Variants in TRIP11 observed in about 807,000 individuals in gnomAD.
TRIP11 encodes thyroid hormone receptor interactor 11.
In TRIP11, 148 loss-of-function variants were observed where a neutral mutation model predicts 223.1. That is an observed-to-expected ratio of 0.66 (90% CI 0.58 to 0.76). The LOEUF is 0.76. TRIP11 is among the 30% of genes least tolerant of loss of function. The probability of loss-of-function intolerance (pLI) is 0.00; values close to 1 mark genes in which losing one functional copy is unlikely to be tolerated. For missense variants in TRIP11, 2,043 were observed against 2,222.0 expected (o/e 0.92, Z 1.62); for synonymous variants, 762 against 772.6 (o/e 0.99, Z 0.23).
chr14:92,029,478 T>G (rs963554670), intron 2 of TRIP11, among the ~76,000 whole-genome samples: 7 of 151,906 alleles, frequency 4.6e-5, no homozygotes, highest in Non-Finnish European at 8.8e-5. Context: ...GTATTTTTTG[T>G]AGAGATGGGG....
chr14:91,986,785 T>C (rs1272399251), intron 16 of TRIP11, among the ~76,000 whole-genome samples: 1 of 152,210 alleles, frequency 6.6e-6, no homozygotes, highest in Non-Finnish European at 1.5e-5. Context: ...GATAATGTTG[T>C]AGTTGCACTG....
intron 7 of TRIP11, among the ~76,000 whole-genome samples, chr14:92,013,540 A>G (rs1490147460): frequency 6.6e-6 from 1 of 152,230 alleles, no homozygotes; most frequent in Non-Finnish European, 1.5e-5. Context: ...CATAGTTAAC[A>G]TAGGCAAAAA....
intron 13 of TRIP11, among the ~76,000 whole-genome samples, chr14:91,996,396 T>G (rs1039922287): frequency 6.6e-6 from 1 of 152,076 alleles, no homozygotes; most frequent in Non-Finnish European, 1.5e-5. Flanking sequence ...AAAAATGTAG[T>G]CCAGGTGAGG....
At chr14:92,016,097 A>G (rs1003584304) in intron 5 of TRIP11, among the ~76,000 whole-genome samples, 3 of 152,348 alleles carry the variant, frequency 2.0e-5, no homozygotes, top group Admixed American at 6.5e-5. Context: ...TCAGCAAGAA[A>G]AGGCTAAAAC....
At chr14:91,993,135 T>G (rs993263328) in intron 15 of TRIP11, among the ~76,000 whole-genome samples, 2 of 151,126 alleles carry the variant, frequency 1.3e-5, no homozygotes, top group Non-Finnish European at 2.9e-5. Context: ...TTTTAATCCA[T>G]GTGAAATGAG....
At position 92,006,039 on chromosome 14, in the gene TRIP11, T is replaced by G; in HGVS notation, c.1937A>C (p.Glu646Ala). ...NSNFKDTLLKEREAEVRNLKQ... is the reference protein window; with the variant it reads ...NSNFKDTLLKAREAEVRNLKQ... ...TAAGTTTCTAACTTCAGCTTCTCTT[T>G]CTTTAAGTAAGGTATCCTTAAAATT... Residue 646 changes from glutamate (E) to alanine (A), a missense_variant, in exon 11 of 21, where the codon GAA (glutamate) becomes GCA (alanine). By Grantham distance (107) the Glu-to-Ala change is moderately radical. Coordinates refer to ENST00000267622, the MANE Select transcript of TRIP11 (RefSeq NM_004239.4). 1 of 1,583,872 alleles carries G rather than the reference T, an allele frequency of 6.3e-7. No homozygotes were observed. The highest frequency in any genetic ancestry group is 8.5e-7 in the Non-Finnish European group (1 of 1,169,770).
At chr14:92,002,505 C>T (rs1005419354) in intron 11 of TRIP11, among the ~76,000 whole-genome samples, 11 of 151,756 alleles carry the variant, frequency 7.2e-5, no homozygotes, top group Non-Finnish European at 1.0e-4. Flanking sequence ...TCACTCAGCA[C>T]ATTTTCTTAT....
chr14:92,010,130 T>C (rs1475520425), intron 9 of TRIP11, among the ~76,000 whole-genome samples: 1 of 152,218 alleles, frequency 6.6e-6, no homozygotes, highest in Non-Finnish European at 1.5e-5. Context: ...AACATAAAAA[T>C]ACTTCTAAAT....
At position 91,993,401 on chromosome 14, in the gene TRIP11, G is replaced by A. The variant is rs973571678; in HGVS notation, c.5160+408C>T. On this transcript the variant is annotated intron_variant, in intron 15 of 20. Transcript: ENST00000267622. ...TGAGGCAGGAGAATTGCTTGAACCC[G>A]GAAGGCAGAGGTTGCGGTGGGTCGA... Among the ~76,000 whole-genome samples, 11 of 149,948 alleles carry A rather than the reference G, an allele frequency of 7.3e-5. No homozygotes were observed. The South Asian group carries it at 1.3e-3, about 17-fold the overall frequency.
At chr14:92,031,968 C>T (rs1448772222) in intron 2 of TRIP11, among the ~76,000 whole-genome samples, 3 of 152,148 alleles carry the variant, frequency 2.0e-5, no homozygotes, top group African/African-American at 7.2e-5. Flanking sequence ...TACAGACACC[C>T]ACCACCACAC....
In TRIP11 at chr14:91,968,654, A is replaced by G. The variant is rs2056364103; in HGVS notation, c.*1019T>C. 4.4e-6 allele frequency: 1 copy of G among 225,852 alleles called. No homozygotes were observed. Among genetic ancestry groups the G allele is most frequent in the African/African-American group, 2.2e-5 (1 of 44,980 alleles). The allele number at this position is 225,852 out of a possible 1,614,324, so 14.0% of individuals were successfully genotyped here. On this transcript the variant is annotated 3_prime_UTR_variant, in exon 21 of 21. Coordinates refer to ENST00000267622, the MANE Select transcript of TRIP11 (RefSeq NM_004239.4). ...ACCTTAGCTGTTAAAACTAAGTGAT[A>G]TATCTGCACTATATGCTCAACAATA...
chr14:92,028,610 G>A (rs747374497), intron 2 of TRIP11, among the ~76,000 whole-genome samples: 14 of 152,052 alleles, frequency 9.2e-5, no homozygotes, highest in African/African-American at 1.4e-4. Flanking sequence ...TCATGTGGCC[G>A]AACCCATAAA....
At chr14:91,982,797 T>C (rs925639619) in intron 16 of TRIP11, among the ~76,000 whole-genome samples, 8 of 152,236 alleles carry the variant, frequency 5.3e-5, no homozygotes, top group African/African-American at 1.9e-4. Context: ...CCTAGTTTCA[T>C]GTGCTCTTTT....
chr14:92,012,317 A>T (rs2140127170), intron 7 of TRIP11, among the ~76,000 whole-genome samples: 1 of 152,352 alleles, frequency 6.6e-6, no homozygotes, highest in Admixed American at 6.5e-5. Context: ...ACACAAAAAA[A>T]CACAGCTGAA....
chr14:91,980,268 T>C (rs2056520873), intron 16 of TRIP11, among the ~76,000 whole-genome samples: 1 of 152,190 alleles, frequency 6.6e-6, no homozygotes, highest in Non-Finnish European at 1.5e-5. Flanking sequence ...TCAGAGAACA[T>C]CTTAAAATGA....
At chr14:92,015,594 G>T in intron 6 of TRIP11, 102 bp downstream of exon 6, 3 of 962,050 alleles carry the variant, frequency 3.1e-6, no homozygotes, top group Non-Finnish European at 4.5e-6. Context: ...GGGGGCGGAG[G>T]TTGCAGTGAG....
At chr14:92,000,444 T>G (rs1455994324) in intron 11 of TRIP11, among the ~76,000 whole-genome samples, 2 of 152,192 alleles carry the variant, frequency 1.3e-5, no homozygotes, top group Non-Finnish European at 2.9e-5. Context: ...AAGTATGAAC[T>G]TTAGTTCAGT....
At position 92,039,625 on chromosome 14, in the gene TRIP11, C is replaced by T. The variant is rs202127909; in HGVS notation, c.61G>A (p.Gly21Ser). The T allele has an allele frequency of 1.6e-4, 252 of 1,612,706 alleles. No individual in the cohort carries two copies. The highest frequency in any genetic ancestry group is 2.0e-4 in the Non-Finnish European group (232 of 1,179,526). Reference protein sequence around the residue: ...GLGQSLGQVGGSLASLTGQIS... With the variant: ...GLGQSLGQVGSSLASLTGQIS... ...TGGCCAGTGAGGGAAGCCAGGCTGC[C>T]CCCGACTTGACCCAGAGACTGGCCC... The change falls in exon 1 of 21, where the codon GGC becomes AGC. Residue 21 changes from glycine (G) to serine (S), a missense_variant. Gly to Ser is a moderately conservative substitution (Grantham distance 56). Coordinates refer to ENST00000267622, the MANE Select transcript of TRIP11 (RefSeq NM_004239.4).
intron 4 of TRIP11, among the ~76,000 whole-genome samples, chr14:92,020,588 A>C (rs893144287): frequency 6.6e-6 from 1 of 151,934 alleles, no homozygotes; most frequent in Admixed American, 6.6e-5. Context: ...ACACCAGAGG[A>C]GTCTCAGGGA....
Sources: allele counts gnomAD v4.1 joint callset (sites outside exome capture counted in the v4.1 genomes callset), GRCh38; gene constraint gnomAD v4.1.1; transcripts MANE v1.5; gene names NCBI Gene and HGNC (gene_info 2026-07-23, HGNC 2026-07-21).